KIF1A: variants seen among roughly 807,000 people sequenced by gnomAD.
KIF1A encodes kinesin family member 1A, also known as kinesin-like protein KIF1A.
In KIF1A, 46 loss-of-function variants were observed where a neutral mutation model predicts 227.3. The ratio of observed to expected loss-of-function variants is 0.20; its 90% CI spans 0.16 to 0.26. KIF1A has a LOEUF of 0.26. KIF1A is among the 10% of genes least tolerant of loss of function. The pLI is 1.00. For synonymous variants in KIF1A, 1,022 were observed against 1,012.8 expected (o/e 1.01, Z -0.17); for missense variants, 1,683 against 2,485.9 (o/e 0.68, Z 6.87).
rs2047381935 is a variant in KIF1A at position 240,736,898 on chromosome 2, G to A, written c.4007+165C>T. Reference sequence around the variant, plus strand: ...ACAAACGAGGAGCCGGGGGTGCAGAGGCCACCAGCCCCTCACCGCACAGCT... The same window carrying A: ...ACAAACGAGGAGCCGGGGGTGCAGAAGCCACCAGCCCCTCACCGCACAGCT... On this transcript the variant is annotated intron_variant, in intron 38 of 48. Coordinates refer to ENST00000498729, the MANE Select transcript of KIF1A (RefSeq NM_001244008.2). This position sits in a 1 kb window ranked among gnomAD's most constrained non-coding sequence, Gnocchi z 4.7. 6.6e-6 allele frequency among the ~76,000 whole-genome samples: 1 copy of A among 152,164 alleles called. No individual in the cohort carries two copies. Among genetic ancestry groups the A allele is most frequent in the Admixed American group, 6.5e-5 (1 of 15,276 alleles).
chr2:240,763,467 C>G (rs1472156669), intron 20 of KIF1A, 121 bp from the exon 21 acceptor site: 2 of 907,934 alleles, frequency 2.2e-6, no homozygotes, highest in East Asian at 2.8e-5. Flanking sequence ...TCCCCAGCTC[C>G]CAGCCACTCC....
intron 32 of KIF1A, among the ~76,000 whole-genome samples, chr2:240,744,279 C>A (rs932400234): frequency 1.3e-5 from 2 of 152,198 alleles, no homozygotes; most frequent in African/African-American, 4.8e-5. Flanking sequence ...CCCTCGGGCT[C>A]TCTCTCCAGG....
At chr2:240,797,282 G>T (rs2056504522) in intron 2 of KIF1A, among the ~76,000 whole-genome samples, 1 of 152,304 alleles carries the variant, frequency 6.6e-6, no homozygotes, top group South Asian at 2.1e-4. Flanking sequence ...AGAGGAGAAG[G>T]CCACGTGACG....
chr2:240,744,473 G>C (rs945585349), intron 32 of KIF1A, among the ~76,000 whole-genome samples: 10 of 152,232 alleles, frequency 6.6e-5, no homozygotes, highest in Non-Finnish European at 1.2e-4. Flanking sequence ...CAGGACTTCA[G>C]AATGAGAGTA....
In KIF1A at chr2:240,725,229, C is replaced by G; in HGVS notation, c.4256+42G>C. ...GAGCCCTGCCTGGCCCGCACCGAGA[C>G]CAGGGTGGGAGTCCATGTGGTCCTC... On this transcript the variant is annotated intron_variant, in intron 40 of 48. Coordinates refer to ENST00000498729, the MANE Select transcript of KIF1A (RefSeq NM_001244008.2). This position sits in a 1 kb window ranked among gnomAD's most constrained non-coding sequence, Gnocchi z 5.8. The G allele has an allele frequency of 6.4e-7, 1 of 1,565,988 alleles. No homozygotes were observed. Among genetic ancestry groups the G allele is most frequent in the Non-Finnish European group, 8.6e-7 (1 of 1,156,288 alleles).
chr2:240,724,109 G>T, intron 40 of KIF1A, 73 bp from the exon 41 acceptor site: 2 of 1,343,340 alleles, frequency 1.5e-6, no homozygotes, highest in South Asian at 2.3e-5. Context: ...CCTGGCTGCT[G>T]ACTTGCCCCA....
At chr2:240,814,873 C>T (rs768395509) in intron 1 of KIF1A, among the ~76,000 whole-genome samples, 3 of 152,208 alleles carry the variant, frequency 2.0e-5, no homozygotes, top group Non-Finnish European at 4.4e-5. Flanking sequence ...GCTGTGACTG[C>T]ACCACTGCAC....
At position 240,763,098 on chromosome 2, in the gene KIF1A, G is replaced by A. The variant is rs771075312; in HGVS notation, c.1950-7C>T. ...GTCCTCCAGTTCCTGGAGCCTGCAA[G>A]GGGGCATTGGGGTGAGCACGGGAGG... is the stretch of plus-strand genomic sequence containing the variant. On this transcript the variant is annotated splice_region_variant and splice_polypyrimidine_tract_variant and intron_variant, in intron 21 of 48. Transcript: ENST00000498729. The A allele has an allele frequency of 1.9e-6, 3 of 1,588,830 alleles. No homozygotes were observed. The highest frequency in any genetic ancestry group is 2.6e-6 in the Non-Finnish European group (3 of 1,169,188).
chr2:240,755,052 T>A (rs987341163), intron 27 of KIF1A, among the ~76,000 whole-genome samples: 4 of 152,110 alleles, frequency 2.6e-5, no homozygotes, highest in African/African-American at 9.7e-5. Context: ...CACCCACCCT[T>A]CCTGTGTTTC....
intron 38 of KIF1A, among the ~76,000 whole-genome samples, chr2:240,730,059 T>C (rs1363520515): frequency 6.6e-6 from 1 of 152,196 alleles, no homozygotes; most frequent in Non-Finnish European, 1.5e-5. Flanking sequence ...CAGCAGACCT[T>C]GGAATCTCGG....
chr2:240,723,380 C>G (rs1332653779), intron 42 of KIF1A, 33 bp downstream of exon 42: 1 of 1,518,468 alleles, frequency 6.6e-7, no homozygotes, highest in Non-Finnish European at 8.9e-7. Flanking sequence ...ATGGACACCA[C>G]CGTGCGGGCC....
chr2:240,750,347 T>C, intron 28 of KIF1A, 82 bp downstream of exon 28: 1 of 1,005,118 alleles, frequency 9.9e-7, no homozygotes, highest in South Asian at 1.4e-5. Context: ...AAGGCCCTTC[T>C]TGGGCCCACG....
chr2:240,718,051 G>A lies in KIF1A; in HGVS notation c.5332C>T (p.Arg1778Trp), dbSNP rs765668490. The change falls in exon 48 of 49, where the codon CGG becomes TGG. Residue 1778 changes from arginine to tryptophan, a missense_variant and splice_region_variant. Arg to Trp is a moderately radical substitution (Grantham distance 101). Coordinates refer to ENST00000498729, the MANE Select transcript of KIF1A (RefSeq NM_001244008.2). Reference sequence around the variant, plus strand: ...ACCTCGCCCTGCAGGCGGCCCTACCGTATGGTCCCGGCCAGGAGGGGGTTG... The same window carrying A: ...ACCTCGCCCTGCAGGCGGCCCTACCATATGGTCCCGGCCAGGAGGGGGTTG... ...AFNPLLAGTIRSKLSRRRSAQ... is the reference protein window; with the variant it reads ...AFNPLLAGTIWSKLSRRRSAQ... 104 of 1,600,752 alleles carry A rather than the reference G, an allele frequency of 6.5e-5. No individual in the cohort carries two copies. Among genetic ancestry groups the A allele is most frequent in the Non-Finnish European group, 7.4e-5 (87 of 1,172,418 alleles).
intron 2 of KIF1A, among the ~76,000 whole-genome samples, chr2:240,795,409 A>C (rs1559537066): frequency 6.6e-6 from 1 of 152,188 alleles, no homozygotes; most frequent in Non-Finnish European, 1.5e-5. Flanking sequence ...CGTGGGGTAA[A>C]GCTTTGGTTC....
chr2:240,806,035 G>A (rs944919346), intron 1 of KIF1A, among the ~76,000 whole-genome samples: 11 of 152,148 alleles, frequency 7.2e-5, no homozygotes, highest in Admixed American at 5.2e-4. Context: ...CAAAATATAC[G>A]AAAATACTGG....
chr2:240,758,172 G>T lies in KIF1A; in HGVS notation c.2582+188C>A, dbSNP rs1232116886. Among the ~76,000 whole-genome samples the T allele has an allele frequency of 1.3e-5, 2 of 152,216 alleles. No homozygotes were observed. The highest frequency in any genetic ancestry group is 2.9e-5 in the Non-Finnish European group (2 of 68,024). On this transcript the variant is annotated intron_variant, in intron 26 of 48. Transcript: ENST00000498729. The surrounding 1 kb of genome is among the most constrained non-coding windows in gnomAD (Gnocchi z 5.2). Reference sequence around the variant, plus strand: ...CATCCCACGTCCCCTGAAATAACAGGCCCTGTGGTGTGTGGAGAGGAATGG... The same window carrying T: ...CATCCCACGTCCCCTGAAATAACAGTCCCTGTGGTGTGTGGAGAGGAATGG...
Position 240,793,450 on chromosome 2 carries a change from A to G in KIF1A, c.107-4138T>C, listed in dbSNP as rs1243856746. On this transcript the variant is annotated intron_variant, in intron 2 of 48. Coordinates refer to ENST00000498729, the MANE Select transcript of KIF1A (RefSeq NM_001244008.2). This position sits in a 1 kb window ranked among gnomAD's most constrained non-coding sequence, Gnocchi z 4.8. ...CAGGAACTCACTTCAGGGGCCGCAC[A>G]TGGCTGAGGGTCCGCGTCCCCAGCC... Among the ~76,000 whole-genome samples the G allele has an allele frequency of 6.6e-6, 1 of 152,178 alleles. No individual in the cohort carries two copies. The highest frequency in any genetic ancestry group is 1.5e-5 in the Non-Finnish European group (1 of 68,022).
chr2:240,800,939 C>T (rs868782290), intron 1 of KIF1A, among the ~76,000 whole-genome samples: 33 of 152,222 alleles, frequency 2.2e-4, no homozygotes, highest in African/African-American at 7.5e-4. Context: ...TGGTTTAATT[C>T]GGACTTCAGT....
At chr2:240,773,688 T>C (rs11673748) in intron 12 of KIF1A, among the ~76,000 whole-genome samples, 24,116 of 152,238 alleles carry the variant, frequency 0.16, 2,224 homozygotes, top group Middle Eastern at 0.24. Flanking sequence ...TGAACCTCTA[T>C]TGGGCCACAC....
Sources: allele counts gnomAD v4.1 joint callset (sites outside exome capture counted in the v4.1 genomes callset), GRCh38; gene constraint gnomAD v4.1.1; non-coding constraint Gnocchi (gnomAD v3.1); transcripts MANE v1.5; gene names NCBI Gene and HGNC (gene_info 2026-07-23, HGNC 2026-07-21).